DUS1L: variants seen among roughly 807,000 people sequenced by gnomAD.
DUS1L encodes tRNA-dihydrouridine(16/17) synthase [NAD(P)(+)]-like.
A neutral mutation model predicts 61.2 loss-of-function variants in DUS1L; 56 were observed. That is an observed-to-expected ratio of 0.92 (90% CI 0.74 to 1.14). DUS1L has a LOEUF of 1.14. Among genes scored for constraint, DUS1L ranks in the 50% most tolerant of loss-of-function variants. The pLI is 0.00. For synonymous variants in DUS1L, 278 were observed against 259.5 expected, an observed-to-expected ratio of 1.07 and a Z score of -0.69; for missense variants, 630 against 632.4, an observed-to-expected ratio of 1.00 and a Z score of 0.04.
Position 82,061,232 on chromosome 17 carries a change from G to A in DUS1L, c.819C>T (p.His273=). 5 of 1,599,202 alleles carry A rather than the reference G, an allele frequency of 3.1e-6. No individual in the cohort carries two copies. The highest frequency in any genetic ancestry group is 4.3e-6 in the Non-Finnish European group (5 of 1,171,196). Residue 273 remains histidine (H), a synonymous_variant, in exon 8 of 14, where the codon CAC becomes CAT. Coordinates refer to ENST00000306796, the MANE Select transcript of DUS1L (RefSeq NM_022156.5). The stretch of plus-strand genomic sequence containing the variant: ...ACGTGTGGTGCCACAGCTTGAAGAG[G>A]TGGGCCCGGACGTAGGACAGGGGGC... ...HPCPLSYVRA[H]LFKLWHHTLQ... is the part of the protein sequence containing the mutation.
chr17:82,061,497 G>T, intron 7 of DUS1L, 121 bp downstream of exon 7: 1 of 1,425,004 alleles, frequency 7.0e-7, no homozygotes, highest in Non-Finnish European at 9.6e-7. Flanking sequence ...GACTGGGATT[G>T]ATGAACACCA....
intron 6 of DUS1L, 84 bp downstream of exon 6, chr17:82,061,817 G>C: frequency 6.3e-7 from 1 of 1,592,106 alleles, no homozygotes; most frequent in Non-Finnish European, 8.6e-7. Flanking sequence ...CGGGCGTCAG[G>C]CGTGCCGAGC....
rs764481216 is a variant in DUS1L at position 82,057,948 on chromosome 17, G to A, written c.*167C>T. ...GAGGACAGGGCAGGTCCAGCCTGGG[G>A]CCTGCTCCCCACTGCAGCATTTCCA... is the stretch of plus-strand genomic sequence containing the variant. On this transcript the variant is annotated 3_prime_UTR_variant, in exon 14 of 14. Coordinates refer to ENST00000306796, the MANE Select transcript of DUS1L (RefSeq NM_022156.5). 3.8e-6 allele frequency: 3 copies of A among 789,156 alleles called. 1 individual carries two copies. In the South Asian group the frequency reaches 7.7e-5, roughly 20 times the overall value. The allele number at this position is 789,156 out of a possible 1,614,324, so 48.9% of individuals were successfully genotyped here. A position where few individuals can be genotyped will look rare whatever the true frequency, so the allele number is the denominator to read the frequency against.
Position 82,064,847 on chromosome 17 carries a change from G to A in DUS1L, c.213C>T (p.Pro71=). ...CCTGCACGATGAGGGGCCGGTCCTCGGGGCACACCTCGCAGTACAGGTTCT... is the reference window on the plus strand; with the variant it reads ...CCTGCACGATGAGGGGCCGGTCCTCAGGGCACACCTCGCAGTACAGGTTCT... The part of the protein sequence containing the change: ...RKENLYCEVC[P]EDRPLIVQFC... The change falls in exon 2 of 14, where the codon CCC becomes CCT. Residue 71 remains proline (P), a synonymous_variant. Transcript: ENST00000306796. 4.3e-6 allele frequency: 7 copies of A among 1,611,570 alleles called. No homozygotes were observed. The highest frequency in any genetic ancestry group is 5.9e-6 in the Non-Finnish European group (7 of 1,179,482).
At chr17:82,063,604 C>A in intron 3 of DUS1L, 86 bp from the exon 4 acceptor site, 2 of 1,566,846 alleles carry the variant, frequency 1.3e-6, no homozygotes, top group South Asian at 2.2e-5. Flanking sequence ...CCCTTTCCTG[C>A]ATCCACGCAG....
chr17:82,060,398 C>T (rs552533568), intron 10 of DUS1L: 12 of 577,506 alleles, frequency 2.1e-5, no homozygotes, highest in South Asian at 1.6e-4. Flanking sequence ...CCTCTTGACC[C>T]ACGGGCAAAT....
In DUS1L at chr17:82,059,514, C is replaced by T. The variant is rs546378969; in HGVS notation, c.1168+434G>A. 7 of 177,072 alleles carry T rather than the reference C, an allele frequency of 4.0e-5. No individual in the cohort carries two copies. In the East Asian group the frequency reaches 1.1e-3, roughly 27 times the overall value. The allele number at this position is 177,072 out of a possible 1,614,324, so 11.0% of individuals were successfully genotyped here. ...ACAGCACTAGGCTGAGGCCTTGCCACTGGTGGCTAAGAGAGGGGCGAGCAG... is the reference window on the plus strand; with the variant it reads ...ACAGCACTAGGCTGAGGCCTTGCCATTGGTGGCTAAGAGAGGGGCGAGCAG... On this transcript the variant is annotated intron_variant, in intron 11 of 13. Coordinates refer to ENST00000306796, the MANE Select transcript of DUS1L (RefSeq NM_022156.5).
intron 13 of DUS1L, 29 bp from the exon 14 acceptor site, chr17:82,058,283 G>T (rs1430912966): frequency 5.2e-6 from 8 of 1,550,596 alleles, no homozygotes; most frequent in Non-Finnish European, 7.0e-6. Context: ...GGAGTCGGGG[G>T]TCAGGAGGCG....
At chr17:82,059,881 C>T (rs1464412086) in intron 11 of DUS1L, 67 bp downstream of exon 11, 2 of 1,597,310 alleles carry the variant, frequency 1.3e-6, no homozygotes, top group Admixed American at 1.7e-5. Flanking sequence ...GTTCCTGTTA[C>T]TGGCAACAGG....
Position 82,058,180 on chromosome 17 carries a change from G to C in DUS1L, c.1357C>G (p.Pro453Ala). Residue 453 changes from proline (P) to alanine (A), a missense_variant, in exon 14 of 14, where the codon CCT becomes GCT. Physicochemically the swap from Pro to Ala is conservative, Grantham distance 27. Coordinates refer to ENST00000306796, the MANE Select transcript of DUS1L (RefSeq NM_022156.5). The stretch of plus-strand genomic sequence containing the variant: ...GGTGTTCCAGGTGCTGCTGGCTGAG[G>C]CTCCTGCAGCTCAGGCTGGGCCTCT... ...WKEAQPELQE[P>A]QPAAPGTPGG... 1 of 1,600,740 alleles carries C rather than the reference G, an allele frequency of 6.2e-7. No individual in the cohort carries two copies. Among genetic ancestry groups the C allele is most frequent in the Non-Finnish European group, 8.5e-7 (1 of 1,170,944 alleles).
chr17:82,057,611 G>A lies in DUS1L; in HGVS notation c.*504C>T. On this transcript the variant is annotated 3_prime_UTR_variant, in exon 14 of 14. Coordinates refer to ENST00000306796, the MANE Select transcript of DUS1L (RefSeq NM_022156.5). ...AGAAGCCTGGCCCTCAGATTCAACA[G>A]CCCCCAGCAGCAGCCACTGTGGCCT... 2 of 259,254 alleles carry A rather than the reference G, an allele frequency of 7.7e-6. No homozygotes were observed. Among genetic ancestry groups the A allele is most frequent in the South Asian group, 3.7e-5 (1 of 26,796 alleles). 16.1% of individuals were successfully genotyped at this position (259,254 alleles called of 1,614,324 possible).
chr17:82,060,358 C>T (rs1043833747), intron 10 of DUS1L: 4 of 588,350 alleles, frequency 6.8e-6, no homozygotes, highest in Admixed American at 6.0e-5. Context: ...ATGGCCTCAC[C>T]TCTGAGAACC....
At chr17:82,064,384 A>T in intron 2 of DUS1L, 150 bp from the exon 3 acceptor site, 2 of 658,090 alleles carry the variant, frequency 3.0e-6, no homozygotes, top group Non-Finnish European at 5.1e-6. Context: ...TTACAATATG[A>T]CAAAGCCGGG....
chr17:82,065,318 G>A (rs1194519441), intron 1 of DUS1L: 3 of 473,414 alleles, frequency 6.3e-6, no homozygotes, highest in African/African-American at 2.0e-5. Flanking sequence ...ACTCGATGTC[G>A]GCCTGGTAGG....
intron 12 of DUS1L, 75 bp from the exon 13 acceptor site, chr17:82,058,491 CCA>C: frequency 3.4e-6 from 5 of 1,470,634 alleles, no homozygotes; most frequent in Non-Finnish European, 4.5e-6. Flanking sequence ...GGGAGCAGCC[CCA>C]CTGGGGAAGC....
chr17:82,063,087 C>CT, intron 4 of DUS1L, 114 bp from the exon 5 acceptor site: 1 of 935,454 alleles, frequency 1.1e-6, no homozygotes, highest in South Asian at 1.5e-5. Context: ...TGCCGGGAGG[C>CT]TGGGAGGCAG....
At chr17:82,063,586 C>A in intron 3 of DUS1L, 68 bp from the exon 4 acceptor site, 4 of 1,597,636 alleles carry the variant, frequency 2.5e-6, no homozygotes, top group East Asian at 2.2e-5. Context: ...CCTTGCACCC[C>A]CTCTGCACCC....
chr17:82,063,360 ACTC>A, intron 4 of DUS1L, 105 bp downstream of exon 4: 3 of 1,473,116 alleles, frequency 2.0e-6, no homozygotes, highest in Non-Finnish European at 1.9e-6. Context: ...GATGCTGAGA[ACTC>A]CTGCCAACGC....
At chr17:82,061,385 G>T (rs199598057) in intron 7 of DUS1L, 32 bp from the exon 8 acceptor site, 1 of 1,549,144 alleles carries the variant, frequency 6.5e-7, no homozygotes, top group South Asian at 1.2e-5. Context: ...AGGACACCTC[G>T]TGGGTTGCTC....
Sources: gnomAD v4.1 joint callset for allele counts on GRCh38, gnomAD v4.1.1 for gene constraint, MANE v1.5 for transcripts, NCBI Gene and HGNC (gene_info 2026-07-23, HGNC 2026-07-21) for gene names.